The following LMF1 variants were observed in gnomAD, a reference collection of about 807,000 sequenced individuals.
LMF1 encodes the protein transmembrane protein 112.
A neutral mutation model predicts 60.6 loss-of-function variants in LMF1; 68 were observed. That is an observed-to-expected ratio of 1.12 (90% CI 0.92 to 1.37). The LOEUF is 1.37. Ranked by LOEUF, LMF1 falls within the 40% of genes most tolerant of loss-of-function variation. LMF1 has a pLI of 0.00. For synonymous variants in LMF1, 418 were observed against 324.7 expected, an observed-to-expected ratio of 1.29 and a Z score of -3.09; for missense variants, 948 against 767.2, an observed-to-expected ratio of 1.24 and a Z score of -2.78.
intron 3 of LMF1, among the ~76,000 whole-genome samples, chr16:916,596 G>A (rs2071286216): frequency 6.6e-6 from 1 of 152,168 alleles, no homozygotes; most frequent in Admixed American, 6.5e-5. Context: ...CCAGTGGCGG[G>A]GCTGGGCACT....
Position 932,197 on chromosome 16 carries a change from A to G in LMF1, c.514+2047T>C, listed in dbSNP as rs771727486. ...TTCCCCCCCACCCTACTTAGAGTAG[A>G]GCCTGTGTTCCCCAGGAGGCCTCAC... is the stretch of plus-strand genomic sequence containing the variant. On this transcript the variant is annotated intron_variant, in intron 3 of 10. Transcript: ENST00000262301. 9.2e-5 allele frequency among the ~76,000 whole-genome samples: 14 copies of G among 152,110 alleles called. 1 individual carries two copies. The highest frequency in any genetic ancestry group is 3.4e-4 in the African/African-American group (14 of 41,426).
intron 1 of LMF1, among the ~76,000 whole-genome samples, chr16:965,525 C>T (rs1175871161): frequency 6.6e-6 from 1 of 152,188 alleles, no homozygotes; most frequent in Non-Finnish European, 1.5e-5. Flanking sequence ...ACTTTAGAAG[C>T]TTCCAGGGAG....
intron 4 of LMF1, among the ~76,000 whole-genome samples, chr16:894,891 C>T (rs919357471): frequency 2.0e-5 from 3 of 152,200 alleles, no homozygotes; most frequent in African/African-American, 7.2e-5. Flanking sequence ...TCGGGGAACA[C>T]GATCTGTTCA....
At chr16:964,388 C>A (rs2072882037) in intron 1 of LMF1, among the ~76,000 whole-genome samples, 2 of 152,058 alleles carry the variant, frequency 1.3e-5, no homozygotes, top group African/African-American at 2.4e-5. Context: ...ACAGTCATCC[C>A]AGAAATGCCG....
At chr16:981,333 AGAGAGAGAGAGAGAGTGT>A (rs1168145601), upstream of LMF1, 179 of 330,814 alleles carry the variant, frequency 5.4e-4, no homozygotes, top group Non-Finnish European at 7.5e-4. Flanking sequence ...AGAGAGAGAG[AGAGAGAGAGAGAGAGTGT>A]GTGTGTGTGT....
intron 3 of LMF1, among the ~76,000 whole-genome samples, chr16:928,840 C>T (rs896193338): frequency 2.0e-5 from 3 of 152,188 alleles, no homozygotes; most frequent in Admixed American, 6.5e-5. Flanking sequence ...CCGTACACAC[C>T]CAAGTCCATC....
chr16:916,869 G>C (rs2071292849), intron 3 of LMF1, among the ~76,000 whole-genome samples: 1 of 152,232 alleles, frequency 6.6e-6, no homozygotes, highest in African/African-American at 2.4e-5. Context: ...CCTCCCGGGT[G>C]TCCCCTCGCA....
intron 1 of LMF1, chr16:968,990 T>C (rs2072983523): frequency 6.6e-6 from 1 of 152,182 alleles, no homozygotes; most frequent in Non-Finnish European, 1.5e-5. Flanking sequence ...AATGACTGTT[T>C]AATACTGTGG....
chr16:959,561 C>T (rs949413141), intron 1 of LMF1, among the ~76,000 whole-genome samples: 9 of 152,282 alleles, frequency 5.9e-5, no homozygotes, highest in African/African-American at 1.7e-4. Context: ...TTGGGGGATG[C>T]AGATAGAATA....
At chr16:882,853 C>G (rs554425711) in intron 5 of LMF1, among the ~76,000 whole-genome samples, 2 of 145,356 alleles carry the variant, frequency 1.4e-5, no homozygotes, top group Admixed American at 1.4e-4. Context: ...AGCCGCCCAG[C>G]GGAGCCCATC....
rs146468214 is a variant in LMF1 at position 943,542 on chromosome 16, A to G, written c.504-9288T>C. Among the ~76,000 whole-genome samples, 37 of 152,020 alleles carry G rather than the reference A, an allele frequency of 2.4e-4. 1 individual carries two copies. Among genetic ancestry groups the G allele is most frequent in the African/African-American group, 8.9e-4 (37 of 41,482 alleles). ...GGAGTTTGAGACCAGCCTGGCCAAC[A>G]ATGGTGAAACACCATTTCTATTAAA... is the stretch of plus-strand genomic sequence containing the variant. On this transcript the variant is annotated intron_variant, in intron 2 of 10. Coordinates refer to ENST00000262301, the MANE Select transcript of LMF1 (RefSeq NM_022773.4).
intron 4 of LMF1, chr16:893,379 G>A (rs577690112): frequency 1.8e-5 from 9 of 508,932 alleles, no homozygotes; most frequent in South Asian, 1.1e-4. Flanking sequence ...CAGAAGTTGC[G>A]TGTCTTTAAA....
intron 4 of LMF1, among the ~76,000 whole-genome samples, chr16:906,802 T>C (rs2070984040): frequency 6.6e-6 from 1 of 152,226 alleles, no homozygotes; most frequent in Admixed American, 6.5e-5. Flanking sequence ...GGCATTTCCA[T>C]ATACATCTAA....
chr16:908,698 C>T (rs1046019438), intron 4 of LMF1, among the ~76,000 whole-genome samples: 13 of 152,240 alleles, frequency 8.5e-5, no homozygotes, highest in African/African-American at 2.4e-4. Flanking sequence ...CATGCGGGAG[C>T]GGCTCCTGGG....
In LMF1 at chr16:854,544, G is replaced by C; in HGVS notation, c.1692C>G (p.Pro564=). 6.2e-7 allele frequency: 1 copy of C among 1,607,606 alleles called. No individual in the cohort carries two copies. Among genetic ancestry groups the C allele is most frequent in the Non-Finnish European group, 8.5e-7 (1 of 1,178,948 alleles). ...PYFRDRGWPL[P]GPL ...TTCTGGTGCACGTCTAGAGGGGCCCGGGCAGAGGCCACCCACGGTCCCTGA... is the reference window on the plus strand; with the variant it reads ...TTCTGGTGCACGTCTAGAGGGGCCCCGGCAGAGGCCACCCACGGTCCCTGA... The change falls in exon 11 of 11, where the codon CCC becomes CCG. Residue 564 remains proline, a synonymous_variant. Transcript: ENST00000262301.
chr16:918,266 G>A (rs567415819), intron 3 of LMF1, among the ~76,000 whole-genome samples: 9 of 152,282 alleles, frequency 5.9e-5, no homozygotes, highest in Admixed American at 1.3e-4. Context: ...GCGCCCGGCC[G>A]CGCGGCTTGT....
At chr16:891,178 G>A (rs1007154358) in intron 5 of LMF1, among the ~76,000 whole-genome samples, 3 of 148,012 alleles carry the variant, frequency 2.0e-5, no homozygotes, top group African/African-American at 7.3e-5. Context: ...CCCCCGGCCC[G>A]CCTCCCCAAG....
intron 4 of LMF1, among the ~76,000 whole-genome samples, chr16:909,844 C>T (rs528771163): frequency 2.7e-4 from 41 of 152,366 alleles, no homozygotes; most frequent in Non-Finnish European, 4.9e-4. Context: ...AGGAACGTTC[C>T]GGACTGAAGG....
At chr16:950,563 T>A (rs1360174131) in intron 2 of LMF1, among the ~76,000 whole-genome samples, 2 of 101,990 alleles carry the variant, frequency 2.0e-5, no homozygotes, top group Admixed American at 1.1e-4. Context: ...AATGACAGAG[T>A]CAGAGCCAAC....
Sources: gnomAD v4.1 joint callset for allele counts (sites outside exome capture counted in the v4.1 genomes callset) on GRCh38, gnomAD v4.1.1 for gene constraint, MANE v1.5 for transcripts, NCBI Gene and HGNC (gene_info 2026-07-23, HGNC 2026-07-21) for gene names.